C19orf12: variants seen among roughly 807,000 people sequenced by gnomAD.
The protein encoded by C19orf12 is protein C19orf12.
C19orf12 carries 2 observed loss-of-function variants against 3.8 expected under a neutral mutation model. The ratio of observed to expected loss-of-function variants is 0.53; its 90% CI spans 0.22 to 1.66. The LOEUF is 1.66. C19orf12 is among the 40% of genes most tolerant of loss of function. The pLI is 0.20. For missense variants in C19orf12, 156 were observed against 188.8 expected (o/e 0.83, Z 1.02); for synonymous variants, 89 against 84.6 (o/e 1.05, Z -0.28).
intron 1 of C19orf12, among the ~76,000 whole-genome samples, chr19:29,709,376 G>C (rs1972550219): frequency 1.3e-5 from 2 of 152,214 alleles, no homozygotes; most frequent in Admixed American, 1.3e-4. Context: ...CCACGAGGTG[G>C]GGGGTCTCCT....
chr19:29,708,157 G>A, intron 2 of C19orf12, 97 bp downstream of exon 2: 9 of 1,547,108 alleles, frequency 5.8e-6, no homozygotes, highest in South Asian at 5.6e-5. Flanking sequence ...GGGATTACAG[G>A]CATGAGCCAC....
rs1972039541 is a variant in C19orf12, at chr19:29,700,688, C to T, written c.*2024G>A. 2.2e-6 allele frequency: 1 copy of T among 453,938 alleles called. No homozygotes were observed. Among genetic ancestry groups the T allele is most frequent in the Non-Finnish European group, 4.4e-6 (1 of 226,786 alleles). The allele number at this position is 453,938 out of a possible 1,614,324, so 28.1% of individuals were successfully genotyped here. ...AGGAGTGTGGCCTGTGCTAGGGCAC[C>T]TGATTTGTGCTAGACGAGGCCAGCA... On this transcript the variant is annotated 3_prime_UTR_variant, in exon 3 of 3. Coordinates refer to ENST00000323670, the MANE Select transcript of C19orf12 (RefSeq NM_031448.6).
rs74395405 is a variant in C19orf12, at chr19:29,705,315, C to A, written c.161-2338G>T. On this transcript the variant is annotated intron_variant, in intron 2 of 2. Coordinates refer to ENST00000323670, the MANE Select transcript of C19orf12 (RefSeq NM_031448.6). ...AAAACTATCAAGGCTGTGAACAAGG[C>A]AAGTCTGAGAAAGTGTTAAAGGCCA... 4.1e-3 allele frequency: 1,788 copies of A among 440,676 alleles called. 29 individuals carry two copies. Among genetic ancestry groups the A allele is most frequent in the African/African-American group, 0.036 (1,663 of 46,812 alleles). 27.3% of individuals were successfully genotyped at this position (440,676 alleles called of 1,614,324 possible).
chr19:29,705,401 CCAAAAA>C, intron 2 of C19orf12: 2 of 68,654 alleles, frequency 2.9e-5, no homozygotes, highest in South Asian at 3.5e-4. Flanking sequence ...GATCCTGAAA[CCAAAAA>C]AAAAAAAAAA....
chr19:29,699,493 AAAAG>A lies in C19orf12; in HGVS notation c.*3215_*3218del. Reference sequence around the variant, plus strand: ...GCGAGACTCCATCTCAAAAAAAAAAAAAAGAAAAAAAGAAAAAAATATATGTGTA... The same window carrying A: ...GCGAGACTCCATCTCAAAAAAAAAAAAAAAAAAGAAAAAAATATATGTGTA... On this transcript the variant is annotated 3_prime_UTR_variant, in exon 3 of 3. Coordinates refer to ENST00000323670, the MANE Select transcript of C19orf12 (RefSeq NM_031448.6). The A allele has an allele frequency of 2.4e-6, 1 of 419,908 alleles. No homozygotes were observed. Among genetic ancestry groups the A allele is most frequent in the Non-Finnish European group, 4.6e-6 (1 of 218,186 alleles). 26.0% of individuals were successfully genotyped at this position (419,908 alleles called of 1,614,324 possible).
intron 1 of C19orf12, among the ~76,000 whole-genome samples, chr19:29,712,863 T>C (rs955092347): frequency 1.3e-5 from 2 of 152,192 alleles, no homozygotes; most frequent in African/African-American, 4.8e-5. Flanking sequence ...CAGGTTTCAC[T>C]GAGACACAAG....
intron 2 of C19orf12, among the ~76,000 whole-genome samples, chr19:29,706,058 C>A (rs59276453): frequency 6.6e-6 from 1 of 152,192 alleles, no homozygotes; most frequent in African/African-American, 2.4e-5. Flanking sequence ...AGCCAAGCAC[C>A]GAGGCCCCTG....
rs1338289819 is a variant in C19orf12 at position 29,715,115 on chromosome 19, G to T, written c.-11+10C>A. The T allele has an allele frequency of 1.3e-5, 8 of 607,420 alleles. No homozygotes were observed. Among genetic ancestry groups the T allele is most frequent in the Admixed American group, 8.7e-5 (3 of 34,590 alleles). The allele number at this position is 607,420 out of a possible 1,614,324, so 37.6% of individuals were successfully genotyped here. On this transcript the variant is annotated intron_variant, in intron 1 of 2. Coordinates refer to ENST00000323670, the MANE Select transcript of C19orf12 (RefSeq NM_031448.6). ...GAGGCGCCCCGCCCCGGCTCCGGGC[G>T]CTCCTTTACCTGGGGGAGCGGAGGT...
chr19:29,703,016 C>T (rs1972195431), intron 2 of C19orf12, 39 bp from the exon 3 acceptor site: 1 of 1,612,796 alleles, frequency 6.2e-7, no homozygotes, highest in Non-Finnish European at 8.5e-7. Flanking sequence ...GGGTCTTATT[C>T]ATAAGCGATG....
rs759339712 is a variant in C19orf12, at chr19:29,715,206, C to G, written c.-92G>C. 32 of 463,630 alleles carry G rather than the reference C, an allele frequency of 6.9e-5. 2 individuals are homozygous for G. The highest frequency in any genetic ancestry group is 6.0e-4 in the South Asian group (30 of 49,602). The allele number at this position is 463,630 out of a possible 1,614,324, so 28.7% of individuals were successfully genotyped here. A position where few individuals can be genotyped will look rare whatever the true frequency, so the allele number is the denominator to read the frequency against. ...GGCCTGGCAGGCCCCGGGCTCCCCG[C>G]CCAGCTCCCCAGCCCCGCGGAGGGT... On this transcript the variant is annotated 5_prime_UTR_variant, in exon 1 of 3. Transcript: ENST00000323670.
chr19:29,704,187 T>C (rs1599537440), intron 2 of C19orf12, among the ~76,000 whole-genome samples: 1 of 152,148 alleles, frequency 6.6e-6, no homozygotes, highest in East Asian at 1.9e-4. Flanking sequence ...AATAACAAAC[T>C]GGCCGGGCGC....
intron 1 of C19orf12, among the ~76,000 whole-genome samples, chr19:29,711,046 T>G (rs1227245421): frequency 6.9e-6 from 1 of 144,552 alleles, no homozygotes; most frequent in Non-Finnish European, 1.5e-5. Context: ...GTTTTTTTTT[T>G]TTTTTTTTTT....
Position 29,702,941 on chromosome 19 carries a change from G to C in C19orf12, c.197C>G (p.Thr66Arg). 6.2e-7 allele frequency: 1 copy of C among 1,614,186 alleles called. No individual in the cohort carries two copies. Among genetic ancestry groups the C allele is most frequent in the Non-Finnish European group, 8.5e-7 (1 of 1,180,030 alleles). ...AGGAACCGGCTTAAACTGTCCACTTGTCATCCAGGCACCTAACAGCCCCCC... is the reference window on the plus strand; with the variant it reads ...AGGAACCGGCTTAAACTGTCCACTTCTCATCCAGGCACCTAACAGCCCCCC... ...AVGGLLGAWM[T>R]SGQFKPVPQI... is the part of the protein sequence containing the mutation. The change falls in exon 3 of 3, where the codon ACA (threonine) becomes AGA (arginine). Residue 66 changes from threonine (T) to arginine (R), a missense_variant. Transcript: ENST00000323670.
At chr19:29,711,637 C>T (rs149427394) in intron 1 of C19orf12, among the ~76,000 whole-genome samples, 31 of 152,288 alleles carry the variant, frequency 2.0e-4, no homozygotes, top group African/African-American at 7.2e-4. Context: ...CCAGACACCA[C>T]TCCCAAAACA....
chr19:29,710,637 G>C (rs1972616954), intron 1 of C19orf12, among the ~76,000 whole-genome samples: 1 of 152,194 alleles, frequency 6.6e-6, no homozygotes, highest in Non-Finnish European at 1.5e-5. Flanking sequence ...ATGAGAGGCA[G>C]TGGGAGGGCA....
intron 2 of C19orf12, among the ~76,000 whole-genome samples, chr19:29,704,643 T>C (rs1972279412): frequency 6.6e-6 from 1 of 152,140 alleles, no homozygotes; most frequent in South Asian, 2.1e-4. Context: ...ACGTGCAGAA[T>C]ATGGTGCAGA....
Position 29,703,895 on chromosome 19 carries a change from C to T in C19orf12, c.161-918G>A, listed in dbSNP as rs149304112. ...AATCCCAGATACTTGGAAGCTGAGG[C>T]AGGAGAATCACTTGAACCCGGGAAG... On this transcript the variant is annotated intron_variant, in intron 2 of 2. Coordinates refer to ENST00000323670, the MANE Select transcript of C19orf12 (RefSeq NM_031448.6). Among the ~76,000 whole-genome samples the T allele has an allele frequency of 9.3e-4, 141 of 152,092 alleles. 1 individual carries two copies. Among genetic ancestry groups the T allele is most frequent in the African/African-American group, 3.2e-3 (133 of 41,532 alleles).
At chr19:29,711,357 G>C (rs16963174) in intron 1 of C19orf12, among the ~76,000 whole-genome samples, 1,875 of 152,244 alleles carry the variant, frequency 0.012, 35 homozygotes, top group African/African-American at 0.043. Context: ...AGATATATTT[G>C]AAGTACATAT....
upstream of C19orf12, chr19:29,715,702 G>A (rs1234351144): frequency 2.5e-5 from 4 of 157,744 alleles, no homozygotes; most frequent in African/African-American, 9.6e-5. Context: ...TTTGGTGAAT[G>A]TGTGGGCCGG....
Sources: allele counts gnomAD v4.1 joint callset (sites outside exome capture counted in the v4.1 genomes callset), GRCh38; gene constraint gnomAD v4.1.1; transcripts MANE v1.5; gene names NCBI Gene and HGNC (gene_info 2026-07-23, HGNC 2026-07-21).